NFKB1: variants seen among roughly 807,000 people sequenced by gnomAD.
The protein encoded by NFKB1 is nuclear factor NF-kappa-B p105 subunit.
NFKB1 carries 9 observed loss-of-function variants against 105.1 expected under a neutral mutation model. The observed-to-expected ratio is 0.09, with a 90% CI of 0.05 to 0.15. The LOEUF (loss-of-function observed/expected upper bound fraction) is 0.15. Among genes scored for constraint, NFKB1 ranks in the 10% least tolerant of loss-of-function variants. NFKB1 has a pLI of 1.00. For synonymous variants in NFKB1, 440 were observed against 442.2 expected, an observed-to-expected ratio of 1.00 and a Z score of 0.06; for missense variants, 830 against 1,203.7, an observed-to-expected ratio of 0.69 and a Z score of 4.59.
At chr4:102,600,749 A>G in intron 15 of NFKB1, 146 bp from the exon 16 acceptor site, 2 of 637,178 alleles carry the variant, frequency 3.1e-6, no homozygotes, top group Non-Finnish European at 5.6e-6. Flanking sequence ...CTCAGATTCA[A>G]TGCATTTTAT....
chr4:102,552,978 A>G (rs1014140441), intron 5 of NFKB1, among the ~76,000 whole-genome samples: 2 of 152,158 alleles, frequency 1.3e-5, no homozygotes, highest in African/African-American at 4.8e-5. Context: ...AAGACCAGTA[A>G]AGTAGCACCA....
At chr4:102,569,443 G>A (rs1332338899) in intron 6 of NFKB1, among the ~76,000 whole-genome samples, 3 of 152,174 alleles carry the variant, frequency 2.0e-5, no homozygotes, top group Admixed American at 6.5e-5. Context: ...CATATTTATG[G>A]TATGACATTG....
In NFKB1 at chr4:102,583,020, C is replaced by T. The variant is rs1725435107; in HGVS notation, c.927+63C>T. ...TTAGAGATGGGATCTCACTCTGACA[C>T]CCAGGCTGCAGTGCAGTGGTACAAT... On this transcript the variant is annotated intron_variant, in intron 10 of 23. Coordinates refer to ENST00000226574, the MANE Select transcript of NFKB1 (RefSeq NM_003998.4). 3.4e-6 allele frequency: 4 copies of T among 1,171,646 alleles called. No individual in the cohort carries two copies. In the Middle Eastern group the frequency reaches 7.0e-4, roughly 205 times the overall value. The allele number at this position is 1,171,646 out of a possible 1,614,324, so 72.6% of individuals were successfully genotyped here. A position where few individuals can be genotyped will look rare whatever the true frequency, so the allele number is the denominator to read the frequency against.
At chr4:102,566,835 C>T in intron 5 of NFKB1, 152 bp from the exon 6 acceptor site, 1 of 719,420 alleles carries the variant, frequency 1.4e-6, no homozygotes, top group East Asian at 2.8e-5. Context: ...ATTTGTTCAT[C>T]ACATACTTTT....
At chr4:102,589,267 A>C (rs1725978480) in intron 11 of NFKB1, among the ~76,000 whole-genome samples, 1 of 152,192 alleles carries the variant, frequency 6.6e-6, no homozygotes, top group Non-Finnish European at 1.5e-5. Flanking sequence ...ATTTCTGAAG[A>C]TAAATAAGTT....
At chr4:102,548,863 T>TTACGGCATCCATAACCCTA (rs1722344411) in intron 5 of NFKB1, among the ~76,000 whole-genome samples, 2 of 152,280 alleles carry the variant, frequency 1.3e-5, no homozygotes, top group Middle Eastern at 3.4e-3. Context: ...GTCATTGTGT[T>TTACGGCATCCATAACCCTA]TACGGCATCC....
intron 12 of NFKB1, 125 bp downstream of exon 12, chr4:102,593,693 A>G (rs1272104986): frequency 4.7e-6 from 4 of 856,052 alleles, no homozygotes; most frequent in Non-Finnish European, 6.5e-6. Flanking sequence ...ATTAATTAAA[A>G]TTTCCTGACA....
chr4:102,552,001 A>T (rs1030176725), intron 5 of NFKB1, among the ~76,000 whole-genome samples: 9 of 152,342 alleles, frequency 5.9e-5, no homozygotes, highest in African/African-American at 2.2e-4. Flanking sequence ...CTCAACATGA[A>T]CCAGCAATGC....
chr4:102,540,045 T>G (rs185721029), intron 5 of NFKB1, among the ~76,000 whole-genome samples: 75 of 152,296 alleles, frequency 4.9e-4, no homozygotes, highest in Non-Finnish European at 9.7e-4. Flanking sequence ...CCTTTATGTA[T>G]GTGTATATTT....
At chr4:102,550,582 G>A (rs1399551381) in intron 5 of NFKB1, among the ~76,000 whole-genome samples, 1 of 152,120 alleles carries the variant, frequency 6.6e-6, no homozygotes, top group African/African-American at 2.4e-5. Flanking sequence ...CATCATCAAT[G>A]ATAGCAGCAT....
chr4:102,527,105 C>T (rs925637203), intron 2 of NFKB1, among the ~76,000 whole-genome samples: 27 of 152,216 alleles, frequency 1.8e-4, no homozygotes, highest in Admixed American at 1.5e-3. Context: ...GGTATTACTA[C>T]GTGCCAGAAC....
intron 1 of NFKB1, among the ~76,000 whole-genome samples, chr4:102,504,194 A>G (rs929028707): frequency 1.3e-5 from 2 of 152,156 alleles, no homozygotes; most frequent in African/African-American, 2.4e-5. Context: ...TTTTTGATGA[A>G]GTACTCAAAA....
chr4:102,539,236 CAAAAAAAAAAA>C (rs550342036), intron 5 of NFKB1, among the ~76,000 whole-genome samples: 4 of 95,646 alleles, frequency 4.2e-5, no homozygotes, highest in African/African-American at 1.1e-4. Flanking sequence ...GACTCTGTCT[CAAAAAAAAAAA>C]AAAAAAAAAA....
chr4:102,601,643 G>A (rs1351778221), intron 16 of NFKB1, among the ~76,000 whole-genome samples: 2 of 152,242 alleles, frequency 1.3e-5, no homozygotes, highest in East Asian at 1.9e-4. Flanking sequence ...TGCAAAGGGA[G>A]AGTTAGCTGG....
At chr4:102,578,746 A>T (rs1314996542) in intron 7 of NFKB1, 135 bp from the exon 8 acceptor site, 1 of 813,332 alleles carries the variant, frequency 1.2e-6, no homozygotes, top group Non-Finnish European at 1.9e-6. Flanking sequence ...ACACTTTATT[A>T]GCAATATGAA....
intron 5 of NFKB1, among the ~76,000 whole-genome samples, chr4:102,554,573 C>T (rs2149148646): frequency 6.6e-6 from 1 of 152,246 alleles, no homozygotes; most frequent in South Asian, 2.1e-4. Flanking sequence ...TTAATGTTTC[C>T]TATTTTTGCA....
At chr4:102,570,422 G>A (rs938949137) in intron 6 of NFKB1, among the ~76,000 whole-genome samples, 5 of 151,988 alleles carry the variant, frequency 3.3e-5, no homozygotes, top group African/African-American at 1.2e-4. Context: ...AGTATTCCAT[G>A]GTATATATGT....
intron 5 of NFKB1, among the ~76,000 whole-genome samples, chr4:102,565,313 T>A (rs774434319): frequency 2.0e-5 from 3 of 152,162 alleles, no homozygotes; most frequent in Non-Finnish European, 4.4e-5. Flanking sequence ...TCTAGCCAAG[T>A]GCATGCATAC....
chr4:102,576,721 C>A (rs906354282), intron 6 of NFKB1, among the ~76,000 whole-genome samples, 155 bp from the exon 7 acceptor site: 1 of 151,872 alleles, frequency 6.6e-6, no homozygotes, highest in Non-Finnish European at 1.5e-5. Context: ...CAAAAATACC[C>A]TAAATTCTGA....
Sources: gnomAD v4.1 joint callset for allele counts (sites outside exome capture counted in the v4.1 genomes callset) on GRCh38, gnomAD v4.1.1 for gene constraint, MANE v1.5 for transcripts, NCBI Gene and HGNC (gene_info 2026-07-23, HGNC 2026-07-21) for gene names.